The following TDRD7 variants were observed in gnomAD, a reference collection of about 807,000 sequenced individuals.
TDRD7 encodes the protein tudor domain-containing protein 7.
In TDRD7, 47 loss-of-function variants were observed where a neutral mutation model predicts 109.8. That is an observed-to-expected ratio of 0.43 (90% confidence interval 0.34 to 0.55). The LOEUF is 0.55. TDRD7 is among the 20% of genes least tolerant of loss of function. The probability of loss-of-function intolerance (pLI) is 0.03; values close to 1 mark genes in which losing one functional copy is unlikely to be tolerated. For missense variants in TDRD7, 1,164 were observed against 1,319.2 expected (o/e 0.88, Z 1.82); for synonymous variants, 424 against 457.3 (o/e 0.93, Z 0.93).
chr9:97,445,483 A>G (rs1254769224), intron 6 of TDRD7, among the ~76,000 whole-genome samples: 3 of 152,202 alleles, frequency 2.0e-5, no homozygotes, highest in African/African-American at 7.2e-5. Flanking sequence ...GGGAATGTCT[A>G]AACAGGAGAC....
chr9:97,439,234 T>A lies in TDRD7; in HGVS notation c.564-11T>A, dbSNP rs78019400. ...ACATTTATTTTACTTTTTTTTTTTT[T>A]AATATCTTAGGTTTAGCCCAAAGGC... On this transcript the variant is annotated splice_polypyrimidine_tract_variant and intron_variant, in intron 4 of 16. Coordinates refer to ENST00000355295, the MANE Select transcript of TDRD7 (RefSeq NM_014290.3). The A allele has an allele frequency of 1.6e-5, 25 of 1,563,658 alleles. No individual in the cohort carries two copies. The highest frequency in any genetic ancestry group is 7.2e-5 in the South Asian group (6 of 83,866).
At chr9:97,467,316 G>A (rs576408799) in intron 8 of TDRD7, among the ~76,000 whole-genome samples, 1 of 152,338 alleles carries the variant, frequency 6.6e-6, no homozygotes, top group African/African-American at 2.4e-5. Flanking sequence ...ATATCTCCCA[G>A]TCTGAAGTCT....
rs113508305 is a variant in TDRD7, at chr9:97,480,165, T to G, written c.2302-663T>G. ...TGTTTCCGTTGATTCGAGGGTTTGCTTGAAGCTGAAGGAAATCCCTGAGTT... is the reference window on the plus strand; with the variant it reads ...TGTTTCCGTTGATTCGAGGGTTTGCGTGAAGCTGAAGGAAATCCCTGAGTT... On this transcript the variant is annotated intron_variant, in intron 13 of 16. Coordinates refer to ENST00000355295, the MANE Select transcript of TDRD7 (RefSeq NM_014290.3). Among the ~76,000 whole-genome samples the G allele has an allele frequency of 3.3e-5, 5 of 152,300 alleles. 1 individual carries two copies. Among genetic ancestry groups the G allele is most frequent in the African/African-American group, 1.2e-4 (5 of 41,570 alleles).
intron 1 of TDRD7, 123 bp from the exon 2 acceptor site, chr9:97,428,337 T>C (rs1289277610): frequency 2.0e-6 from 2 of 980,686 alleles, no homozygotes; most frequent in African/African-American, 3.2e-5. Flanking sequence ...TTTCCCCATA[T>C]TGTAATTGCA....
intron 1 of TDRD7, among the ~76,000 whole-genome samples, chr9:97,421,556 A>G (rs913358275): frequency 1.3e-5 from 2 of 152,166 alleles, no homozygotes; most frequent in Admixed American, 6.5e-5. Context: ...AAGAGCAGAC[A>G]TTTTAAATTT....
chr9:97,435,446 A>G (rs1218996452), intron 4 of TDRD7, among the ~76,000 whole-genome samples: 1 of 150,406 alleles, frequency 6.6e-6, no homozygotes, highest in Non-Finnish European at 1.5e-5. Context: ...CCTGGGCAAC[A>G]TGGTGAGACC....
intron 1 of TDRD7, among the ~76,000 whole-genome samples, chr9:97,413,369 T>C (rs112852453): frequency 6.6e-6 from 1 of 152,220 alleles, no homozygotes; most frequent in Non-Finnish European, 1.5e-5. Flanking sequence ...AATTACATGC[T>C]TTCTCTTAGC....
intron 15 of TDRD7, 97 bp from the exon 16 acceptor site, chr9:97,487,075 C>A: frequency 7.7e-7 from 1 of 1,290,866 alleles, no homozygotes; most frequent in Non-Finnish European, 1.1e-6. Context: ...ACATAATTTG[C>A]ATTAATTTTT....
intron 16 of TDRD7, among the ~76,000 whole-genome samples, chr9:97,494,197 A>G (rs1007303214): frequency 6.6e-6 from 1 of 152,234 alleles, no homozygotes; most frequent in African/African-American, 2.4e-5. Context: ...TTATAAAAGT[A>G]TTAATTTGGG....
chr9:97,445,442 A>G (rs955308291), intron 6 of TDRD7, among the ~76,000 whole-genome samples: 11 of 152,186 alleles, frequency 7.2e-5, no homozygotes, highest in African/African-American at 1.9e-4. Flanking sequence ...TAAGCCTGCA[A>G]TGGTTATGAA....
chr9:97,462,395 A>G (rs192887277), intron 7 of TDRD7, among the ~76,000 whole-genome samples: 1 of 152,336 alleles, frequency 6.6e-6, no homozygotes, highest in African/African-American at 2.4e-5. Flanking sequence ...GTGGCTGGCA[A>G]CCAGCAAGCA....
chr9:97,436,003 A>C (rs918531603), intron 4 of TDRD7, among the ~76,000 whole-genome samples: 1 of 152,174 alleles, frequency 6.6e-6, no homozygotes, highest in African/African-American at 2.4e-5. Context: ...ATCTCGTGCC[A>C]GTCAGTAGAT....
chr9:97,471,617 A>T (rs1339988629), intron 9 of TDRD7, among the ~76,000 whole-genome samples: 1 of 152,236 alleles, frequency 6.6e-6, no homozygotes, highest in Admixed American at 6.5e-5. Context: ...GTAGAAAAAT[A>T]TGGAAATAGG....
At chr9:97,453,947 A>T (rs1828554975) in intron 6 of TDRD7, among the ~76,000 whole-genome samples, 2 of 152,224 alleles carry the variant, frequency 1.3e-5, no homozygotes, top group African/African-American at 4.8e-5. Flanking sequence ...ACAGAATAGT[A>T]GTGGGAGACT....
chr9:97,475,603 A>G (rs1829005731), intron 12 of TDRD7, 134 bp downstream of exon 12: 1 of 730,534 alleles, frequency 1.4e-6, no homozygotes, highest in South Asian at 1.6e-5. Context: ...CATGACCAGT[A>G]TGGTTGAAAT....
chr9:97,437,052 C>A (rs527930884), intron 4 of TDRD7, among the ~76,000 whole-genome samples: 24 of 152,276 alleles, frequency 1.6e-4, no homozygotes, highest in African/African-American at 5.3e-4. Context: ...CTGCCCTTAT[C>A]ATAACACTTA....
chr9:97,422,659 GTGGGTTTTTTCACAGA>G (rs145628110), intron 1 of TDRD7, among the ~76,000 whole-genome samples: 1,622 of 152,288 alleles, frequency 0.011, 18 homozygotes, highest in Middle Eastern at 0.017. Context: ...GATGTTAACT[GTGGGTTTTTTCACAGA>G]TGGTCTTTAT....
In TDRD7 at chr9:97,447,936, G is replaced by A. The variant is rs146705196; in HGVS notation, c.855+6061G>A. 8.5e-5 allele frequency among the ~76,000 whole-genome samples: 13 copies of A among 152,336 alleles called. 1 individual carries two copies. The East Asian group carries it at 2.5e-3, about 29-fold the overall frequency. The stretch of plus-strand genomic sequence containing the variant: ...ATCCTAATATAAATAATTGCAATGT[G>A]TGTCTAAAGAGCATTGGTGAAAGGT... On this transcript the variant is annotated intron_variant, in intron 6 of 16. Coordinates refer to ENST00000355295, the MANE Select transcript of TDRD7 (RefSeq NM_014290.3).
At chr9:97,495,356 T>A (rs1403530495) in intron 16 of TDRD7, among the ~76,000 whole-genome samples, 1 of 152,252 alleles carries the variant, frequency 6.6e-6, no homozygotes, top group Non-Finnish European at 1.5e-5. Flanking sequence ...TGTTATTAGT[T>A]TAAATATGCA....
Sources: gnomAD v4.1 joint callset for allele counts (sites outside exome capture counted in the v4.1 genomes callset) on GRCh38, gnomAD v4.1.1 for gene constraint, MANE v1.5 for transcripts, NCBI Gene and HGNC (gene_info 2026-07-23, HGNC 2026-07-21) for gene names.